Variants in PLB1 observed in about 807,000 individuals in gnomAD.
PLB1 encodes phospholipase B1, membrane-associated.
PLB1 carries 242 observed loss-of-function variants against 227.4 expected under a neutral mutation model. The observed-to-expected ratio is 1.06, with a 90% confidence interval of 0.96 to 1.18. The LOEUF is 1.18. Among genes scored for constraint, PLB1 ranks in the 50% most tolerant of loss-of-function variants. PLB1 has a pLI of 0.00. For synonymous variants in PLB1, 757 were observed against 682.2 expected, an observed-to-expected ratio of 1.11 and a Z score of -1.71; for missense variants, 1,858 against 1,816.3, an observed-to-expected ratio of 1.02 and a Z score of -0.42.
chr2:28,634,445 C>T (rs1343290579), intron 56 of PLB1, among the ~76,000 whole-genome samples: 1 of 152,184 alleles, frequency 6.6e-6, no homozygotes, highest in East Asian at 1.9e-4. Context: ...TCCACAGATG[C>T]CCTTGGCCCT....
chr2:28,591,001 G>T (rs1681818076), intron 29 of PLB1, 132 bp from the exon 30 acceptor site: 5 of 1,097,368 alleles, frequency 4.6e-6, no homozygotes, highest in Middle Eastern at 2.0e-4. Context: ...GAGTCAGCCT[G>T]GTAGAGGCTG....
chr2:28,636,970 C>T (rs969157572), intron 56 of PLB1, among the ~76,000 whole-genome samples: 16 of 152,196 alleles, frequency 1.1e-4, no homozygotes, highest in Middle Eastern at 3.4e-3. Flanking sequence ...GATTTGTACT[C>T]GTTTCTATGT....
Position 28,633,049 on chromosome 2 carries a change from C to T in PLB1, c.4098+10C>T, listed in dbSNP as rs1269364029. 1.2e-6 allele frequency: 2 copies of T among 1,612,036 alleles called. No homozygotes were observed. Among genetic ancestry groups the T allele is most frequent in the Non-Finnish European group, 8.5e-7 (1 of 1,178,362 alleles). On this transcript the variant is annotated intron_variant, in intron 56 of 57. Transcript: ENST00000327757. Reference sequence around the variant, plus strand: ...ACTCTGGAACAACATGGTGAGCAGCCAAGGGCCTGGTGGGCCTTGTCAAGG... The same window carrying T: ...ACTCTGGAACAACATGGTGAGCAGCTAAGGGCCTGGTGGGCCTTGTCAAGG...
Position 28,630,570 on chromosome 2 carries a change from A to C in PLB1, c.3819-16A>C, listed in dbSNP as rs1558961691. The C allele has an allele frequency of 6.2e-7, 1 of 1,610,644 alleles. No individual in the cohort carries two copies. Among genetic ancestry groups the C allele is most frequent in the East Asian group, 2.2e-5 (1 of 44,824 alleles). ...GTGCCCCAGGCAGCCTCAATACAAC[A>C]CTCCCTGTCTCACAGGAACAACTGC... On this transcript the variant is annotated splice_polypyrimidine_tract_variant and intron_variant, in intron 53 of 57. Transcript: ENST00000327757.
chr2:28,556,104 C>T (rs1177139418), intron 17 of PLB1, among the ~76,000 whole-genome samples: 1 of 152,096 alleles, frequency 6.6e-6, no homozygotes, highest in Non-Finnish European at 1.5e-5. Context: ...CTCAAATGAT[C>T]CTCCTACCTC....
chr2:28,566,936 G>A, intron 20 of PLB1, 97 bp downstream of exon 20: 1 of 1,399,644 alleles, frequency 7.1e-7, no homozygotes, highest in Non-Finnish European at 1.0e-6. Context: ...GAGGAGCCCC[G>A]GCTGCAGGAG....
intron 49 of PLB1, among the ~76,000 whole-genome samples, chr2:28,621,603 TG>T (rs1369766357): frequency 1.3e-5 from 2 of 152,196 alleles, no homozygotes; most frequent in Non-Finnish European, 2.9e-5. Flanking sequence ...ATTTTCTGCA[TG>T]GAGCGTGCTG....
intron 56 of PLB1, among the ~76,000 whole-genome samples, chr2:28,636,442 T>C (rs1385715450): frequency 6.6e-6 from 1 of 152,176 alleles, no homozygotes; most frequent in Non-Finnish European, 1.5e-5. Flanking sequence ...GCTGAACACA[T>C]GTATTTCCTG....
At chr2:28,586,082 TGAAAC>T (rs1162526898) in intron 26 of PLB1, among the ~76,000 whole-genome samples, 1 of 152,208 alleles carries the variant, frequency 6.6e-6, no homozygotes, top group Non-Finnish European at 1.5e-5. Context: ...GGTCGTTAAA[TGAAAC>T]GAACGTTTCC....
chr2:28,624,376 G>T (rs759751618), intron 49 of PLB1, among the ~76,000 whole-genome samples: 1 of 150,694 alleles, frequency 6.6e-6, no homozygotes, highest in African/African-American at 2.4e-5. Context: ...CATGTTATTC[G>T]GTATACCAAT....
chr2:28,637,904 A>G (rs901285900), intron 56 of PLB1, among the ~76,000 whole-genome samples: 2 of 152,188 alleles, frequency 1.3e-5, no homozygotes, highest in Non-Finnish European at 2.9e-5. Flanking sequence ...CGTGGTTGGT[A>G]GCCACAGTGC....
intron 49 of PLB1, 112 bp downstream of exon 49, chr2:28,621,090 A>G (rs1686992331): frequency 1.2e-6 from 1 of 824,196 alleles, no homozygotes. Context: ...GGGCAATAGC[A>G]GCTGTGCAGG....
At chr2:28,559,769 T>G (rs914132984) in intron 17 of PLB1, among the ~76,000 whole-genome samples, 15 of 71,460 alleles carry the variant, frequency 2.1e-4, no homozygotes, top group African/African-American at 7.3e-4. Context: ...TTTTTTTTTT[T>G]GAGACGGAGT....
At chr2:28,558,595 T>G (rs143244682) in intron 17 of PLB1, among the ~76,000 whole-genome samples, 1 of 152,286 alleles carries the variant, frequency 6.6e-6, no homozygotes, top group African/African-American at 2.4e-5. Context: ...TCTAACCACA[T>G]GGTGTAGCTG....
chr2:28,519,160 A>G (rs1000116631), intron 3 of PLB1, among the ~76,000 whole-genome samples: 2 of 152,168 alleles, frequency 1.3e-5, no homozygotes, highest in Non-Finnish European at 2.9e-5. Context: ...GGGAGACTTC[A>G]TTGCTAAAGA....
chr2:28,630,787 A>G, intron 54 of PLB1, 123 bp downstream of exon 54: 1 of 743,998 alleles, frequency 1.3e-6, no homozygotes, highest in Non-Finnish European at 2.2e-6. Flanking sequence ...AGCAGATTGC[A>G]GCCCCTGAAA....
intron 11 of PLB1, 28 bp from the exon 12 acceptor site, chr2:28,540,338 C>T: frequency 6.2e-7 from 1 of 1,605,346 alleles, no homozygotes; most frequent in Non-Finnish European, 8.5e-7. Context: ...CCTCCCCTCT[C>T]TCATTCCTGG....
chr2:28,636,674 AATCAAGCAGGGTGATGTGAC>A (rs1689398959), intron 56 of PLB1, among the ~76,000 whole-genome samples: 1 of 152,174 alleles, frequency 6.6e-6, no homozygotes, highest in Admixed American at 6.5e-5. Context: ...TTTAAACAAA[AATCAAGCAGGGTGATGTGAC>A]ACAGAGTAAT....
chr2:28,620,713 G>GT, intron 48 of PLB1, 70 bp downstream of exon 48: 2 of 1,599,734 alleles, frequency 1.3e-6, no homozygotes, highest in Non-Finnish European at 1.7e-6. Flanking sequence ...TCCTGCTGGA[G>GT]GAGGGGAAGA....
Sources: gnomAD v4.1 joint callset for allele counts (sites outside exome capture counted in the v4.1 genomes callset) on GRCh38, gnomAD v4.1.1 for gene constraint, MANE v1.5 for transcripts, NCBI Gene and HGNC (gene_info 2026-07-23, HGNC 2026-07-21) for gene names.